The following ARRB1 variants were observed in gnomAD, a reference collection of about 807,000 sequenced individuals.
ARRB1 encodes the protein arrestin beta 1, also known as beta-arrestin-1.
A neutral mutation model predicts 56.8 loss-of-function variants in ARRB1; 21 were observed. The observed-to-expected ratio is 0.37, with a 90% CI of 0.26 to 0.53. The LOEUF is 0.53. ARRB1 is among the 20% of genes least tolerant of loss of function. ARRB1 has a pLI of 0.88. For missense variants in ARRB1, 424 were observed against 553.7 expected, an observed-to-expected ratio of 0.77 and a Z score of 2.35; for synonymous variants, 210 against 218.6, an observed-to-expected ratio of 0.96 and a Z score of 0.35.
chr11:75,266,113 C>G lies in ARRB1; in HGVS notation c.*50G>C, dbSNP rs200394230. Reference sequence around the variant, plus strand: ...AACAGGAAGAAGACGAGTAAGCATCCGAGTGCACGAGAGTGGAGCCGGAGC... The same window carrying G: ...AACAGGAAGAAGACGAGTAAGCATCGGAGTGCACGAGAGTGGAGCCGGAGC... On this transcript the variant is annotated 3_prime_UTR_variant, in exon 16 of 16. Coordinates refer to ENST00000420843, the MANE Select transcript of ARRB1 (RefSeq NM_004041.5). 2.8e-6 allele frequency: 4 copies of G among 1,406,664 alleles called. No individual in the cohort carries two copies. The Admixed American group carries it at 5.0e-5, about 18-fold the overall frequency. 87.1% of individuals were successfully genotyped at this position (1,406,664 alleles called of 1,614,324 possible).
chr11:75,296,160 TG>T (rs1312268306), intron 1 of ARRB1, among the ~76,000 whole-genome samples: 68 of 117,244 alleles, frequency 5.8e-4, no homozygotes, highest in Middle Eastern at 0.014. Flanking sequence ...CACTCTAGCC[TG>T]GGCGACAGAG....
intron 1 of ARRB1, among the ~76,000 whole-genome samples, chr11:75,299,048 A>T (rs1946831762): frequency 6.6e-6 from 1 of 151,890 alleles, no homozygotes; most frequent in Non-Finnish European, 1.5e-5. Context: ...AAGGTAAATT[A>T]GTGGTTGCCA....
intron 1 of ARRB1, among the ~76,000 whole-genome samples, chr11:75,327,271 C>T (rs1947451850): frequency 8.0e-6 from 1 of 124,322 alleles, no homozygotes; most frequent in Non-Finnish European, 1.6e-5. Flanking sequence ...CACTGCACTC[C>T]AGCCTGGGTG....
At chr11:75,325,421 A>C (rs1565140650) in intron 1 of ARRB1, among the ~76,000 whole-genome samples, 1 of 152,200 alleles carries the variant, frequency 6.6e-6, no homozygotes, top group Non-Finnish European at 1.5e-5. Flanking sequence ...TCCTGGGTTC[A>C]AGCGATTCTC....
chr11:75,287,949 G>T (rs922140056), intron 2 of ARRB1, among the ~76,000 whole-genome samples: 3 of 151,814 alleles, frequency 2.0e-5, no homozygotes, highest in African/African-American at 7.3e-5. Flanking sequence ...TGCAACCTCC[G>T]CCTCCCAGGT....
At position 75,294,138 on chromosome 11, in the gene ARRB1, G is replaced by T. The variant is rs146442072; in HGVS notation, c.21-4099C>A. On this transcript the variant is annotated intron_variant, in intron 1 of 15. Transcript: ENST00000420843. ...CACCTGGGCCAATCAGCTATACCTA[G>T]GTGTGTCACACATCTAGGTCTGTCA... Among the ~76,000 whole-genome samples the T allele has an allele frequency of 1.6e-3, 236 of 152,208 alleles. 1 individual carries two copies. Among genetic ancestry groups the T allele is most frequent in the African/African-American group, 5.3e-3 (222 of 41,522 alleles).
At chr11:75,346,997 C>A (rs1055644823) in intron 1 of ARRB1, among the ~76,000 whole-genome samples, 11 of 152,248 alleles carry the variant, frequency 7.2e-5, no homozygotes, top group Admixed American at 2.0e-4. Flanking sequence ...AGTAGCGGAG[C>A]ATGGCTGTGT....
chr11:75,334,579 G>T (rs1364264406), intron 1 of ARRB1, among the ~76,000 whole-genome samples: 1 of 152,188 alleles, frequency 6.6e-6, no homozygotes, highest in African/African-American at 2.4e-5. Flanking sequence ...GGACAAGCCT[G>T]GGGCTAGACC....
chr11:75,294,178 C>T (rs1378295475), intron 1 of ARRB1, among the ~76,000 whole-genome samples: 1 of 152,078 alleles, frequency 6.6e-6, no homozygotes, highest in African/African-American at 2.4e-5. Flanking sequence ...GTCAAGGAGG[C>T]CCGGGCAGAA....
chr11:75,276,983 G>C, intron 9 of ARRB1, 72 bp from the exon 10 acceptor site: 1 of 1,051,502 alleles, frequency 9.5e-7, no homozygotes, highest in Non-Finnish European at 1.4e-6. Flanking sequence ...AGGCGTCCCC[G>C]GGTTGGGGAT....
chr11:75,334,191 G>T (rs945836658), intron 1 of ARRB1, among the ~76,000 whole-genome samples: 1 of 151,738 alleles, frequency 6.6e-6, no homozygotes, highest in Non-Finnish European at 1.5e-5. Context: ...TTAGCTGGGC[G>T]TGGTGGCATG....
At chr11:75,269,464 A>T (rs1388978596) in intron 13 of ARRB1, among the ~76,000 whole-genome samples, 2 of 152,192 alleles carry the variant, frequency 1.3e-5, no homozygotes, top group African/African-American at 2.4e-5. Context: ...TGCAATCTGG[A>T]TGAAGCACTG....
At chr11:75,294,598 TAAATAAATA>T (rs1182396505) in intron 1 of ARRB1, among the ~76,000 whole-genome samples, 80 of 75,090 alleles carry the variant, frequency 1.1e-3, no homozygotes, top group East Asian at 2.7e-3. Flanking sequence ...AATAAATAAA[TAAATAAATA>T]ACTTAAAATA....
chr11:75,345,218 C>T (rs1947746902), intron 1 of ARRB1, among the ~76,000 whole-genome samples: 1 of 152,176 alleles, frequency 6.6e-6, no homozygotes, highest in Non-Finnish European at 1.5e-5. Context: ...TGGGAAGGAA[C>T]AAGCAGTTCT....
chr11:75,321,109 C>T (rs1947343340), intron 1 of ARRB1, among the ~76,000 whole-genome samples: 1 of 152,194 alleles, frequency 6.6e-6, no homozygotes, highest in Admixed American at 6.5e-5. Context: ...TTTCCCTCAC[C>T]TGCACACCTG....
intron 7 of ARRB1, among the ~76,000 whole-genome samples, chr11:75,280,236 G>A (rs1373741697): frequency 1.3e-5 from 2 of 152,138 alleles, no homozygotes; most frequent in African/African-American, 2.4e-5. Context: ...GGTCTTAAGA[G>A]GAAAAGGGAG....
rs1053781 is a variant in ARRB1, at chr11:75,266,229, T to G, written c.1191A>C (p.Lys397Asn). ...VFEDFARQRL[K>N]GMKDDKEEEE... ...CTTCCTCCTTGTCATCCTTCATGCC[T>G]TTCAGTCTCTGGCGAGCAAAGTCCT... Residue 397 changes from lysine (K) to asparagine (N), a missense_variant, in exon 16 of 16, where the codon AAA (lysine) becomes AAC (asparagine). By Grantham distance (94) the Lys-to-Asn change is moderately conservative. This residue lies in a region of ARRB1 where 121 missense variants were observed against 147.3 expected (regional missense o/e 0.82). Transcript: ENST00000420843. The G allele has an allele frequency of 3.1e-6, 5 of 1,614,194 alleles. No individual in the cohort carries two copies. Among genetic ancestry groups the G allele is most frequent in the Non-Finnish European group, 4.2e-6 (5 of 1,180,030 alleles).
chr11:75,345,129 T>C (rs377340849), intron 1 of ARRB1, among the ~76,000 whole-genome samples: 1 of 152,206 alleles, frequency 6.6e-6, no homozygotes, highest in East Asian at 1.9e-4. Flanking sequence ...GTTCAGTTCC[T>C]GCGGTGACCT....
chr11:75,286,159 T>C (rs1027433547), intron 3 of ARRB1, among the ~76,000 whole-genome samples: 1 of 149,358 alleles, frequency 6.7e-6, no homozygotes, highest in Admixed American at 6.7e-5. Context: ...CTTCCTTGGC[T>C]CAGGAACCAC....
Sources: gnomAD v4.1 joint callset for allele counts (sites outside exome capture counted in the v4.1 genomes callset) on GRCh38, gnomAD v4.1.1 for gene constraint, gnomAD v4.1.1 regional missense constraint, MANE v1.5 for transcripts, NCBI Gene and HGNC (gene_info 2026-07-23, HGNC 2026-07-21) for gene names.